Variants in SCAF8 observed in about 807,000 individuals in gnomAD.
SCAF8 encodes SR-related CTD associated factor 8.
Under a neutral mutation model 140.5 loss-of-function variants are expected in SCAF8, and 23 were observed. The ratio of observed to expected loss-of-function variants is 0.16; its 90% CI spans 0.12 to 0.23. The LOEUF is 0.23. SCAF8 is among the 10% of genes least tolerant of loss of function. SCAF8 has a pLI of 1.00. For missense variants in SCAF8, 1,397 were observed against 1,555.7 expected (o/e 0.90, Z 1.72); for synonymous variants, 575 against 528.9 (o/e 1.09, Z -1.20).
At chr6:154,783,520 A>G (rs949428378) in intron 3 of SCAF8, among the ~76,000 whole-genome samples, 8 of 152,184 alleles carry the variant, frequency 5.3e-5, no homozygotes, top group Admixed American at 5.2e-4. Context: ...AGAGCAGGAA[A>G]TGTGGCTTAT....
At position 154,824,328 on chromosome 6, in the gene SCAF8, C is replaced by T. The variant is rs1224105030; in HGVS notation, c.2021C>T (p.Pro674Leu). ...PVPPPGFSPI[P>L]PPPFLRASFN... ...CCTCCTCCTGGATTCAGTCCAATCC[C>T]TCCACCTCCTTTTTTAAGAGCAAGT... The change falls in exon 17 of 20, where the codon CCT (proline) becomes CTT (leucine). Residue 674 changes from proline (P) to leucine (L), a missense_variant. Physicochemically the swap from Pro to Leu is moderately conservative, Grantham distance 98. Transcript: ENST00000367178. 3 of 1,613,888 alleles carry T rather than the reference C, an allele frequency of 1.9e-6. No homozygotes were observed. Among genetic ancestry groups the T allele is most frequent in the Middle Eastern group, 1.6e-4 (1 of 6,082 alleles).
intron 3 of SCAF8, among the ~76,000 whole-genome samples, chr6:154,782,715 T>C (rs1402213539): frequency 6.6e-6 from 1 of 152,104 alleles, no homozygotes; most frequent in Non-Finnish European, 1.5e-5. Context: ...CCAGTCTGAG[T>C]CTCAAAACTG....
At chr6:154,745,459 G>A (rs1182761021) in intron 1 of SCAF8, among the ~76,000 whole-genome samples, 1 of 151,802 alleles carries the variant, frequency 6.6e-6, no homozygotes, top group Non-Finnish European at 1.5e-5. Flanking sequence ...CTGCAGCCTC[G>A]AACTTCTGGG....
At chr6:154,742,009 A>G in intron 1 of SCAF8, 1 of 1,532,456 alleles carries the variant, frequency 6.5e-7, no homozygotes, top group Non-Finnish European at 8.7e-7. Context: ...GCATGGACAC[A>G]AGAAGCATAG....
rs188065456 is a variant in SCAF8 at position 154,824,043 on chromosome 6, A to G, written c.1927-191A>G. 3.6e-3 allele frequency among the ~76,000 whole-genome samples: 555 copies of G among 152,182 alleles called. 4 individuals are homozygous for G. Among genetic ancestry groups the G allele is most frequent in the African/African-American group, 0.013 (524 of 41,578 alleles). ...AATTCATAATCTCCAAGTAAAAACT[A>G]TCTGTTGAATAACATTGCCTTGTTT... On this transcript the variant is annotated intron_variant, in intron 16 of 19. Transcript: ENST00000367178.
chr6:154,803,253 T>C (rs1223126522), intron 7 of SCAF8, among the ~76,000 whole-genome samples: 1 of 152,136 alleles, frequency 6.6e-6, no homozygotes, highest in Non-Finnish European at 1.5e-5. Flanking sequence ...CTTATTACCA[T>C]GGAAAAACCA....
chr6:154,751,962 T>C (rs925662209), intron 1 of SCAF8, among the ~76,000 whole-genome samples: 1 of 152,214 alleles, frequency 6.6e-6, no homozygotes, highest in Non-Finnish European at 1.5e-5. Context: ...TGCAGAAAAC[T>C]AAAAAGCCTT....
chr6:154,779,171 T>A (rs986700376), intron 3 of SCAF8, among the ~76,000 whole-genome samples: 1 of 152,164 alleles, frequency 6.6e-6, no homozygotes, highest in Non-Finnish European at 1.5e-5. Context: ...TAGCTGGGAT[T>A]ACAGACATGC....
Position 154,781,827 on chromosome 6 carries a change from T to C in SCAF8, c.159+3782T>C, listed in dbSNP as rs374737390. On this transcript the variant is annotated intron_variant, in intron 3 of 19. Transcript: ENST00000367178. ...GGATAGTGAGTACATGTTTCCATTT[T>C]ATAAGAAGCTACCAAACTGTTTTCC... Among the ~76,000 whole-genome samples the C allele has an allele frequency of 2.6e-3, 403 of 152,322 alleles. 4 individuals carry two copies. The highest frequency in any genetic ancestry group is 9.0e-3 in the African/African-American group (375 of 41,572).
At chr6:154,759,664 ATT>A (rs67700317) in intron 1 of SCAF8, among the ~76,000 whole-genome samples, 311 of 133,264 alleles carry the variant, frequency 2.3e-3, no homozygotes, top group African/African-American at 8.0e-3. Flanking sequence ...TGTCATAATA[ATT>A]TTTTTTTTTT....
chr6:154,796,922 A>G (rs577705217), intron 6 of SCAF8, among the ~76,000 whole-genome samples: 1 of 152,116 alleles, frequency 6.6e-6, no homozygotes, highest in African/African-American at 2.4e-5. Flanking sequence ...CAGAGAGCCA[A>G]GATCATGCCA....
At chr6:154,821,349 T>TTTTTTTTTTTGCAATAACAGTTGAACA (rs1236520539) in intron 15 of SCAF8, among the ~76,000 whole-genome samples, 2 of 147,282 alleles carry the variant, frequency 1.4e-5, no homozygotes, top group East Asian at 3.9e-4. Context: ...CTGTTTTACT[T>TTTTTTTTTTTGCAATAACAGTTGAACA]TTTTTTTTTT....
At position 154,733,424 on chromosome 6, in the gene SCAF8, TGCCGCAGCC is replaced by T. The variant is rs1254535340; in HGVS notation, c.-474_-466del. On this transcript the variant is annotated 5_prime_UTR_variant, in exon 1 of 20. Coordinates refer to ENST00000367178, the MANE Select transcript of SCAF8 (RefSeq NM_014892.5). ...CCCGACTCGAGTCCGCCATATTGGA[TGCCGCAGCC>T]GCTGCTGCCAGCGCTTCCTCCTCTG... The T allele has an allele frequency of 7.1e-7, 1 of 1,404,160 alleles. No individual in the cohort carries two copies. Among genetic ancestry groups the T allele is most frequent in the African/African-American group, 1.5e-5 (1 of 66,530 alleles). The allele number at this position is 1,404,160 out of a possible 1,614,324, so 87.0% of individuals were successfully genotyped here. A position where few individuals can be genotyped will look rare whatever the true frequency, so the allele number is the denominator to read the frequency against.
At chr6:154,772,439 C>T (rs1290450713) in intron 1 of SCAF8, among the ~76,000 whole-genome samples, 1 of 152,162 alleles carries the variant, frequency 6.6e-6, no homozygotes, top group East Asian at 1.9e-4. Flanking sequence ...CTTGTAACCT[C>T]ACCACTTTGA....
chr6:154,793,791 G>T (rs1016085255), intron 5 of SCAF8, among the ~76,000 whole-genome samples: 1 of 137,050 alleles, frequency 7.3e-6, no homozygotes, highest in South Asian at 2.3e-4. Flanking sequence ...CTCCAGCCTG[G>T]GCAACAAGAG....
At chr6:154,773,564 G>A (rs962117231) in intron 1 of SCAF8, among the ~76,000 whole-genome samples, 1 of 152,066 alleles carries the variant, frequency 6.6e-6, no homozygotes, top group African/African-American at 2.4e-5. Context: ...CCCTCAGACG[G>A]GAAAAAGTAT....
chr6:154,753,593 C>G (rs1290368125), intron 1 of SCAF8, among the ~76,000 whole-genome samples: 1 of 151,960 alleles, frequency 6.6e-6, no homozygotes, highest in Admixed American at 6.6e-5. Flanking sequence ...GAGCCAAGAT[C>G]GCGACTCTGC....
At position 154,783,016 on chromosome 6, in the gene SCAF8, A is replaced by G. The variant is rs569760394; in HGVS notation, c.160-4845A>G. Among the ~76,000 whole-genome samples the G allele has an allele frequency of 5.8e-4, 89 of 152,296 alleles. 1 individual carries two copies. Among genetic ancestry groups the G allele is most frequent in the African/African-American group, 2.1e-3 (88 of 41,566 alleles). ...TCAGTATTAACCATCATAGATCCCTATATTTGCATTATAAATAACTAACTT... is the reference window on the plus strand; with the variant it reads ...TCAGTATTAACCATCATAGATCCCTGTATTTGCATTATAAATAACTAACTT... On this transcript the variant is annotated intron_variant, in intron 3 of 19. Transcript: ENST00000367178.
At chr6:154,805,574 TAATTGGTC>T in intron 9 of SCAF8, 88 bp downstream of exon 9, 1 of 550,336 alleles carries the variant, frequency 1.8e-6, no homozygotes, top group Non-Finnish European at 3.2e-6. Context: ...TTTTTTTTTT[TAATTGGTC>T]TTAATAGAAT....
Sources: gnomAD v4.1 joint callset for allele counts (sites outside exome capture counted in the v4.1 genomes callset) on GRCh38, gnomAD v4.1.1 for gene constraint, MANE v1.5 for transcripts, NCBI Gene and HGNC (gene_info 2026-07-23, HGNC 2026-07-21) for gene names.